RGS22: variants seen among roughly 807,000 people sequenced by gnomAD.
RGS22 encodes regulator of G protein signaling 22.
In RGS22, 148 loss-of-function variants were observed where a neutral mutation model predicts 172.9. The ratio of observed to expected loss-of-function variants is 0.86; its 90% CI spans 0.75 to 0.98. The LOEUF (loss-of-function observed/expected upper bound fraction) is 0.98. RGS22 is among the 50% of genes least tolerant of loss of function. The probability of loss-of-function intolerance (pLI) is 0.00; values close to 1 mark genes in which losing one functional copy is unlikely to be tolerated. For synonymous variants in RGS22, 458 were observed against 480.2 expected (o/e 0.95, Z 0.60); for missense variants, 1,347 against 1,440.8 (o/e 0.93, Z 1.05).
intron 1 of RGS22, 158 bp downstream of exon 1, chr8:100,105,739 C>A (rs1253598655): frequency 4.8e-6 from 3 of 618,976 alleles, no homozygotes; most frequent in Non-Finnish European, 8.2e-6. Flanking sequence ...ACGTGAAATT[C>A]GTCATAAAAT....
At chr8:100,083,323 G>A (rs1436076651) in intron 3 of RGS22, among the ~76,000 whole-genome samples, 6 of 152,122 alleles carry the variant, frequency 3.9e-5, no homozygotes, top group Admixed American at 6.6e-5. Flanking sequence ...TACTGTCCCC[G>A]TCACATGCAG....
At chr8:100,048,600 A>G (rs1447614848) in intron 10 of RGS22, among the ~76,000 whole-genome samples, 1 of 152,070 alleles carries the variant, frequency 6.6e-6, no homozygotes, top group Non-Finnish European at 1.5e-5. Context: ...ACTACTAATA[A>G]TTTTTTCAGA....
chr8:100,034,221 A>G (rs181290644), intron 14 of RGS22, among the ~76,000 whole-genome samples: 2,908 of 152,194 alleles, frequency 0.019, 84 homozygotes, highest in East Asian at 0.11. Flanking sequence ...AAACCCCATC[A>G]TCTCAGCCCA....
chr8:100,078,237 T>C (rs1254306352), intron 4 of RGS22, among the ~76,000 whole-genome samples: 2 of 151,886 alleles, frequency 1.3e-5, no homozygotes, highest in African/African-American at 4.8e-5. Context: ...TGATGTATAT[T>C]ATTATTATCA....
intron 14 of RGS22, among the ~76,000 whole-genome samples, chr8:100,034,055 A>T (rs1819161592): frequency 6.6e-6 from 1 of 152,188 alleles, no homozygotes; most frequent in Admixed American, 6.6e-5. Context: ...AAACCAGCAC[A>T]AGACAAGGAT....
chr8:100,059,492 C>A (rs570262993), intron 9 of RGS22, among the ~76,000 whole-genome samples: 2 of 151,204 alleles, frequency 1.3e-5, no homozygotes, highest in Admixed American at 6.6e-5. Context: ...AGTAGCTATA[C>A]TTCTATCAGA....
chr8:99,961,236 A>G (rs1588850213), intron 27 of RGS22, 40 bp from the exon 28 acceptor site: 1 of 440,532 alleles, frequency 2.3e-6, no homozygotes, highest in Admixed American at 2.6e-5. Context: ...ATAAACATCT[A>G]TAGAAAATAT....
chr8:100,089,080 A>G lies in RGS22; in HGVS notation c.117+4367T>C, dbSNP rs539490128. ...ACAGAAAAGACCTGTCCTTGCCCCC[A>G]GGAAATTTACAATGTAGCTCCTGAG... On this transcript the variant is annotated intron_variant, in intron 3 of 27. Transcript: ENST00000360863. Among the ~76,000 whole-genome samples, 20 of 152,196 alleles carry G rather than the reference A, an allele frequency of 1.3e-4. No homozygotes were observed. In the South Asian group the frequency reaches 4.1e-3, roughly 32 times the overall value.
chr8:99,976,438 T>C (rs1811947179), intron 23 of RGS22, among the ~76,000 whole-genome samples: 1 of 152,162 alleles, frequency 6.6e-6, no homozygotes, highest in Non-Finnish European at 1.5e-5. Context: ...CTCGGCTCAC[T>C]GCAAGCTCCG....
intron 10 of RGS22, among the ~76,000 whole-genome samples, chr8:100,048,195 TG>T (rs1357040665): frequency 6.6e-6 from 1 of 152,014 alleles, no homozygotes; most frequent in Admixed American, 6.6e-5. Flanking sequence ...AATGTCCAAA[TG>T]GAGAATGGGA....
At position 99,962,136 on chromosome 8, in the gene RGS22, C is replaced by T. The variant is rs952190502; in HGVS notation, c.*45+258G>A. ...AAATCTTGGGAAAACTGAGCCATAG[C>T]CCATTCTTCCATACATGTTCTTTGC... On this transcript the variant is annotated intron_variant, in intron 27 of 27. Transcript: ENST00000360863. Among the ~76,000 whole-genome samples, 8 of 152,100 alleles carry T rather than the reference C, an allele frequency of 5.3e-5. No homozygotes were observed. The East Asian group carries it at 1.4e-3, about 26-fold the overall frequency.
At chr8:100,076,967 A>G (rs928030887) in intron 4 of RGS22, among the ~76,000 whole-genome samples, 5 of 152,100 alleles carry the variant, frequency 3.3e-5, no homozygotes, top group African/African-American at 1.2e-4. Context: ...CACTCCAGCC[A>G]GGGCATCAGA....
At chr8:100,098,145 C>T (rs574471442) in intron 2 of RGS22, among the ~76,000 whole-genome samples, 7 of 151,896 alleles carry the variant, frequency 4.6e-5, no homozygotes, top group Admixed American at 2.6e-4. Flanking sequence ...TTTATCACTT[C>T]ATACTATAAT....
chr8:100,038,390 C>T (rs1391548492), intron 14 of RGS22: 2 of 151,798 alleles, frequency 1.3e-5, no homozygotes, highest in African/African-American at 4.8e-5. Context: ...AACATTCTTT[C>T]CTCCACTCCC....
At chr8:99,987,701 G>T in intron 20 of RGS22, 82 bp from the exon 21 acceptor site, 1 of 1,048,804 alleles carries the variant, frequency 9.5e-7, no homozygotes, top group Non-Finnish European at 1.3e-6. Flanking sequence ...AATTTTGCCT[G>T]TTGAAATGCC....
At chr8:100,053,826 A>G (rs1412442207) in intron 9 of RGS22, among the ~76,000 whole-genome samples, 1 of 151,924 alleles carries the variant, frequency 6.6e-6, no homozygotes, top group Non-Finnish European at 1.5e-5. Flanking sequence ...TAGTAGAGAC[A>G]GGTTTCACCA....
At chr8:100,045,579 A>C (rs1028052988) in intron 11 of RGS22, among the ~76,000 whole-genome samples, 4 of 152,126 alleles carry the variant, frequency 2.6e-5, no homozygotes, top group Non-Finnish European at 5.9e-5. Flanking sequence ...AATGGTTAAA[A>C]AAAGGCACTC....
At chr8:99,974,614 A>G (rs994720545) in intron 23 of RGS22, among the ~76,000 whole-genome samples, 3 of 151,750 alleles carry the variant, frequency 2.0e-5, no homozygotes, top group Non-Finnish European at 2.9e-5. Flanking sequence ...CCTGGCCAAC[A>G]TGGTGAAACC....
At chr8:99,984,650 A>G (rs1812884664) in intron 21 of RGS22, among the ~76,000 whole-genome samples, 1 of 152,014 alleles carries the variant, frequency 6.6e-6, no homozygotes, top group Non-Finnish European at 1.5e-5. Context: ...TCTACCACTC[A>G]TTTGTCCTTC....
Sources: gnomAD v4.1 joint callset for allele counts (sites outside exome capture counted in the v4.1 genomes callset) on GRCh38, gnomAD v4.1.1 for gene constraint, MANE v1.5 for transcripts, NCBI Gene and HGNC (gene_info 2026-07-23, HGNC 2026-07-21) for gene names.